CHEK1: variants seen among roughly 807,000 people sequenced by gnomAD.
CHEK1 encodes serine/threonine-protein kinase Chk1.
Under a neutral mutation model 60.2 loss-of-function variants are expected in CHEK1, and 32 were observed. The ratio of observed to expected loss-of-function variants is 0.53; its 90% CI spans 0.40 to 0.71. CHEK1 has a LOEUF of 0.71. CHEK1 is among the 30% of genes least tolerant of loss of function. The probability of loss-of-function intolerance (pLI) is 0.00; values close to 1 mark genes in which losing one functional copy is unlikely to be tolerated. For synonymous variants in CHEK1, 179 were observed against 187.2 expected (o/e 0.96, Z 0.36); for missense variants, 399 against 564.6 (o/e 0.71, Z 2.97).
chr11:125,678,334 C>T (rs1942627002), downstream of CHEK1: 13 of 1,599,880 alleles, frequency 8.1e-6, no homozygotes, highest in African/African-American at 1.3e-5. Flanking sequence ...GTTGGTGAAG[C>T]TGACAGAATG....
intron 11 of CHEK1, among the ~76,000 whole-genome samples, chr11:125,648,974 C>A (rs1941609196): frequency 6.6e-6 from 1 of 152,056 alleles, no homozygotes; most frequent in Non-Finnish European, 1.5e-5. Context: ...ACTATCATAC[C>A]CAGCTAACTT....
rs1466259028 is a variant in CHEK1, at chr11:125,644,124, A to G, written c.957A>G (p.Pro319=). The part of the protein sequence containing the change: ...EENVKYSSSQ[P]EPRTGLSLWD... ...ATGTGAAGTACTCCAGTTCTCAGCC[A>G]GAACCCCGCACAGGTCTTTCCTTAT... Residue 319 remains proline (P), a synonymous_variant, in exon 10 of 13, where the codon CCA becomes CCG. Transcript: ENST00000438015. The G allele has an allele frequency of 3.7e-6, 6 of 1,613,158 alleles. No individual in the cohort carries two copies. The highest frequency in any genetic ancestry group is 5.1e-6 in the Non-Finnish European group (6 of 1,179,812).
chr11:125,626,050 A>G, intron 1 of CHEK1, 38 bp downstream of exon 1: 1 of 688,954 alleles, frequency 1.5e-6, no homozygotes, highest in Middle Eastern at 2.3e-4. Flanking sequence ...GAAGGTTTCT[A>G]AAGAAGGAGT....
At chr11:125,659,187 C>T (rs1424097347), downstream of CHEK1, among the ~76,000 whole-genome samples, 1 of 151,820 alleles carries the variant, frequency 6.6e-6, no homozygotes, top group African/African-American at 2.4e-5. Context: ...ATTTTTTATA[C>T]TTTGTATTGA....
chr11:125,640,448 A>G (rs557282397), intron 8 of CHEK1, among the ~76,000 whole-genome samples: 466 of 148,504 alleles, frequency 3.1e-3, no homozygotes, highest in Non-Finnish European at 4.5e-3. Context: ...GGCTGAGGCA[A>G]GAGAATGGCG....
chr11:125,665,678 T>C (rs1942085890), intron 13 of CHEK1, among the ~76,000 whole-genome samples: 1 of 152,020 alleles, frequency 6.6e-6, no homozygotes, highest in Admixed American at 6.6e-5. Flanking sequence ...TATGTTCAGG[T>C]TTTCTATTTC....
downstream of CHEK1, among the ~76,000 whole-genome samples, chr11:125,661,601 C>T (rs566282894): frequency 6.6e-5 from 10 of 152,158 alleles, no homozygotes; most frequent in African/African-American, 2.2e-4. Context: ...CGTGAGCCAC[C>T]GCGCCCAACC....
intron 6 of CHEK1, among the ~76,000 whole-genome samples, chr11:125,633,589 T>G (rs1940949737): frequency 1.3e-5 from 2 of 152,230 alleles, no homozygotes; most frequent in Admixed American, 1.3e-4. Context: ...CTAGGACCAG[T>G]GGTGCCTGCC....
chr11:125,631,078 A>G (rs1940843123), intron 5 of CHEK1, among the ~76,000 whole-genome samples: 1 of 152,056 alleles, frequency 6.6e-6, no homozygotes, highest in South Asian at 2.1e-4. Context: ...AAACATGGAG[A>G]AAAAAACATG....
At chr11:125,648,680 T>C (rs972385981) in intron 11 of CHEK1, among the ~76,000 whole-genome samples, 8 of 152,176 alleles carry the variant, frequency 5.3e-5, no homozygotes, top group East Asian at 3.9e-4. Flanking sequence ...TCTTTTTGTT[T>C]AGTTGTCCTG....
At chr11:125,644,718 A>T (rs1030297224) in intron 11 of CHEK1, 75 bp downstream of exon 11, 1 of 1,502,002 alleles carries the variant, frequency 6.7e-7, no homozygotes, top group Admixed American at 1.9e-5. Flanking sequence ...TATCATTAGT[A>T]TATTTTTTAA....
chr11:125,637,716 G>A (rs1045361287), intron 8 of CHEK1, among the ~76,000 whole-genome samples, 172 bp downstream of exon 8: 2 of 152,116 alleles, frequency 1.3e-5, no homozygotes, highest in Non-Finnish European at 2.9e-5. Flanking sequence ...TAATTATAAA[G>A]GGGAAAGTCA....
intron 8 of CHEK1, among the ~76,000 whole-genome samples, chr11:125,639,405 G>A (rs1941196502): frequency 1.2e-4 from 6 of 49,088 alleles, no homozygotes; most frequent in Admixed American, 2.1e-4. Flanking sequence ...TTTTTTTTGA[G>A]ACAGGGTCTA....
downstream of CHEK1, chr11:125,680,902 G>A: frequency 1.3e-6 from 1 of 795,138 alleles, no homozygotes; most frequent in South Asian, 1.6e-5. Flanking sequence ...TAGAACCTCA[G>A]AAGTAACCCA....
downstream of CHEK1, among the ~76,000 whole-genome samples, chr11:125,679,216 C>CTTTTTTTTTT (rs71045115): frequency 0.27 from 32,078 of 117,798 alleles, 5,355 homozygotes; most frequent in South Asian, 0.33. Context: ...CCGTCTCTTT[C>CTTTTTTTTTT]TTTTTTTTTT....
At chr11:125,669,625 G>A (rs1264231352) in intron 13 of CHEK1, among the ~76,000 whole-genome samples, 7 of 146,536 alleles carry the variant, frequency 4.8e-5, no homozygotes, top group African/African-American at 1.8e-4. Flanking sequence ...CCGGGTTTAA[G>A]TGATTCTCCT....
Position 125,633,339 on chromosome 11 carries a change from A to G in CHEK1, c.601A>G (p.Met201Val), listed in dbSNP as rs771316687. The G allele has an allele frequency of 7.0e-5, 109 of 1,555,032 alleles. No homozygotes were observed. Among genetic ancestry groups the G allele is most frequent in the Non-Finnish European group, 8.7e-5 (101 of 1,158,392 alleles). ...VWSCGIVLTAMLAGELPWDQP... is the reference protein window; with the variant it reads ...VWSCGIVLTAVLAGELPWDQP... ...GTCCTGTGGAATAGTACTTACTGCAATGCTCGCTGGAGGTAAGAGCTATTT... is the reference window on the plus strand; with the variant it reads ...GTCCTGTGGAATAGTACTTACTGCAGTGCTCGCTGGAGGTAAGAGCTATTT... The change falls in exon 6 of 13, where the codon ATG (methionine) becomes GTG (valine). Residue 201 changes from methionine to valine, a missense_variant. Transcript: ENST00000438015.
intron 2 of CHEK1, 82 bp downstream of exon 2, chr11:125,626,915 A>T: frequency 7.0e-7 from 1 of 1,428,836 alleles, no homozygotes; most frequent in Non-Finnish European, 9.8e-7. Context: ...TTTAGAAAGT[A>T]GATGTTTGAG....
intron 7 of CHEK1, among the ~76,000 whole-genome samples, 161 bp from the exon 8 acceptor site, chr11:125,637,288 G>T (rs1374499323): frequency 6.6e-6 from 1 of 152,124 alleles, no homozygotes. Context: ...GAGAAAAACT[G>T]CATGAAATTA....
Sources: gnomAD v4.1 joint callset for allele counts (sites outside exome capture counted in the v4.1 genomes callset) on GRCh38, gnomAD v4.1.1 for gene constraint, MANE v1.5 for transcripts, NCBI Gene and HGNC (gene_info 2026-07-23, HGNC 2026-07-21) for gene names.